Variants in CACNA2D1 observed in about 807,000 individuals in gnomAD.
CACNA2D1 encodes the protein voltage-dependent calcium channel subunit alpha-2/delta-1.
A neutral mutation model predicts 171.5 loss-of-function variants in CACNA2D1; 53 were observed. That is an observed-to-expected ratio of 0.31 (90% CI 0.25 to 0.39). CACNA2D1 has a LOEUF of 0.39. Ranked by LOEUF, CACNA2D1 falls within the 10% of genes least tolerant of loss-of-function variation. The probability of loss-of-function intolerance (pLI) is 1.00; values close to 1 mark genes in which losing one functional copy is unlikely to be tolerated. For synonymous variants in CACNA2D1, 442 were observed against 443.1 expected, an observed-to-expected ratio of 1.00 and a Z score of 0.03; for missense variants, 903 against 1,299.8, an observed-to-expected ratio of 0.69 and a Z score of 4.69.
Position 81,950,260 on chromosome 7 carries a change from G to A in CACNA2D1, c.*132C>T, listed in dbSNP as rs1321798329. 10 of 1,556,768 alleles carry A rather than the reference G, an allele frequency of 6.4e-6. No individual in the cohort carries two copies. The highest frequency in any genetic ancestry group is 8.8e-6 in the Non-Finnish European group (10 of 1,139,020). ...GTGCCTTAGGAGTCTGCGCCTTAGT[G>A]TTATGCCATGGAACAGGCCCAGCTA... is the stretch of plus-strand genomic sequence containing the variant. On this transcript the variant is annotated 3_prime_UTR_variant, in exon 39 of 39. Coordinates refer to ENST00000356860, the MANE Select transcript of CACNA2D1 (RefSeq NM_000722.4).
At chr7:82,236,127 C>A (rs1803561473) in intron 3 of CACNA2D1, among the ~76,000 whole-genome samples, 2 of 149,908 alleles carry the variant, frequency 1.3e-5, no homozygotes, top group South Asian at 2.1e-4. Flanking sequence ...TCGAGGGAAA[C>A]CAATATTTGA....
chr7:82,373,027 A>C (rs1460354393), intron 1 of CACNA2D1, among the ~76,000 whole-genome samples: 1 of 152,142 alleles, frequency 6.6e-6, no homozygotes, highest in Non-Finnish European at 1.5e-5. Flanking sequence ...TCTACTAAAA[A>C]TACAAAATTA....
intron 3 of CACNA2D1, among the ~76,000 whole-genome samples, chr7:82,176,861 CATA>C (rs1796588290): frequency 6.6e-6 from 1 of 151,998 alleles, no homozygotes. Flanking sequence ...TACACTCACA[CATA>C]ATATCATGTG....
chr7:82,103,781 T>C (rs568290700), intron 6 of CACNA2D1, among the ~76,000 whole-genome samples: 29 of 152,194 alleles, frequency 1.9e-4, no homozygotes, highest in African/African-American at 7.0e-4. Context: ...GTAAAATATA[T>C]TTAACTCCCC....
intron 20 of CACNA2D1, among the ~76,000 whole-genome samples, chr7:81,994,520 T>C (rs1797849613): frequency 6.6e-6 from 1 of 152,120 alleles, no homozygotes; most frequent in Non-Finnish European, 1.5e-5. Flanking sequence ...AACTTCAATT[T>C]TGTAACATTG....
intron 5 of CACNA2D1, among the ~76,000 whole-genome samples, chr7:82,120,627 G>T (rs1789609863): frequency 6.6e-6 from 1 of 151,972 alleles, no homozygotes; most frequent in African/African-American, 2.4e-5. Flanking sequence ...TTGTAATTCT[G>T]GCACTTTGGG....
intron 7 of CACNA2D1, among the ~76,000 whole-genome samples, chr7:82,084,311 CATTTT>C (rs1485822790): frequency 6.6e-6 from 1 of 152,032 alleles, no homozygotes; most frequent in Admixed American, 6.6e-5. Flanking sequence ...TTTGTGATTT[CATTTT>C]ATTTCTTGTC....
intron 3 of CACNA2D1, among the ~76,000 whole-genome samples, chr7:82,265,123 T>G (rs942729817): frequency 6.6e-6 from 1 of 152,324 alleles, no homozygotes; most frequent in Admixed American, 6.5e-5. Context: ...AAAATCGAAC[T>G]GCATCTGTCA....
intron 11 of CACNA2D1, among the ~76,000 whole-genome samples, chr7:82,034,496 T>G (rs562886698): frequency 6.6e-6 from 1 of 152,242 alleles, no homozygotes; most frequent in South Asian, 2.1e-4. Flanking sequence ...AAGTATTAAC[T>G]AATATAATTT....
At chr7:81,960,089 C>T (rs897905376) in intron 36 of CACNA2D1, among the ~76,000 whole-genome samples, 1 of 151,770 alleles carries the variant, frequency 6.6e-6, no homozygotes, top group African/African-American at 2.4e-5. Context: ...ATCCTCATTG[C>T]AAAATAAGCA....
chr7:82,075,804 T>C (rs1287157284), intron 7 of CACNA2D1, among the ~76,000 whole-genome samples: 1 of 152,124 alleles, frequency 6.6e-6, no homozygotes, highest in African/African-American at 2.4e-5. Context: ...TGAACATAAA[T>C]GAATTACACA....
At chr7:82,322,518 C>T (rs1816122809) in intron 3 of CACNA2D1, among the ~76,000 whole-genome samples, 1 of 151,468 alleles carries the variant, frequency 6.6e-6, no homozygotes, top group Non-Finnish European at 1.5e-5. Context: ...ACTCAAGAGG[C>T]CAAGGCAGGA....
At position 81,949,826 on chromosome 7, in the gene CACNA2D1, A is replaced by G. The variant is rs1792325887; in HGVS notation, c.*566T>C. The G allele has an allele frequency of 6.6e-6, 1 of 152,638 alleles. No homozygotes were observed. The highest frequency in any genetic ancestry group is 1.9e-4 in the East Asian group (1 of 5,188). 9.5% of individuals were successfully genotyped at this position (152,638 alleles called of 1,614,324 possible). A position where few individuals can be genotyped will look rare whatever the true frequency, so the allele number is the denominator to read the frequency against. On this transcript the variant is annotated 3_prime_UTR_variant, in exon 39 of 39. Transcript: ENST00000356860. ...GCAAAGAAGCCGTTCTTCATAAGGC[A>G]TTTTATTCATGGCAAATTTTTCATA...
Position 82,285,397 on chromosome 7 carries a change from A to G in CACNA2D1, c.294+49738T>C, listed in dbSNP as rs2282941. On this transcript the variant is annotated intron_variant, in intron 3 of 38. Transcript: ENST00000356860. The stretch of plus-strand genomic sequence containing the variant: ...TAGCCAAGGTACCTTTCCCAGACTG[A>G]AAAGTGTCATGATATGCAGTACGTA... 5.0e-3 allele frequency among the ~76,000 whole-genome samples: 768 copies of G among 152,280 alleles called. 16 individuals are homozygous for G. In the East Asian group the frequency reaches 0.079, roughly 16 times the overall value.
At chr7:81,976,730 T>C (rs143220289) in intron 24 of CACNA2D1, among the ~76,000 whole-genome samples, 14,059 of 152,176 alleles carry the variant, frequency 0.092, 682 homozygotes, top group Middle Eastern at 0.2. Flanking sequence ...GGTGGGCACC[T>C]GTAATCCCAG....
At chr7:82,136,546 C>CTTGAAAACT in intron 5 of CACNA2D1, 89 bp downstream of exon 5, 1 of 1,010,810 alleles carries the variant, frequency 9.9e-7, no homozygotes, top group Non-Finnish European at 1.5e-6. Flanking sequence ...GTCTTAAAAA[C>CTTGAAAACT]TAAAACTGCT....
At chr7:82,304,696 G>A (rs919951806) in intron 3 of CACNA2D1, among the ~76,000 whole-genome samples, 1 of 152,076 alleles carries the variant, frequency 6.6e-6, no homozygotes, top group Admixed American at 6.6e-5. Flanking sequence ...ATAACCAGAG[G>A]CTAGGAATAT....
At chr7:82,000,754 CT>C (rs1345677521) in intron 18 of CACNA2D1, among the ~76,000 whole-genome samples, 2 of 136,332 alleles carry the variant, frequency 1.5e-5, no homozygotes, top group African/African-American at 5.4e-5. Flanking sequence ...ACTACCATGC[CT>C]AACTAATTTT....
At chr7:82,175,120 G>A (rs1162544253) in intron 3 of CACNA2D1, among the ~76,000 whole-genome samples, 1 of 151,636 alleles carries the variant, frequency 6.6e-6, no homozygotes, top group Non-Finnish European at 1.5e-5. Context: ...CAAATTTATT[G>A]CAAGTTAAAG....
Sources: gnomAD v4.1 joint callset for allele counts (sites outside exome capture counted in the v4.1 genomes callset) on GRCh38, gnomAD v4.1.1 for gene constraint, MANE v1.5 for transcripts, NCBI Gene and HGNC (gene_info 2026-07-23, HGNC 2026-07-21) for gene names.